Variants in CHSY3 observed in about 807,000 individuals in gnomAD.
CHSY3 encodes chondroitin sulfate synthase 3.
A neutral mutation model predicts 67.2 loss-of-function variants in CHSY3; 35 were observed. The ratio of observed to expected loss-of-function variants is 0.52; its 90% CI spans 0.40 to 0.69. The LOEUF is 0.69. Ranked by LOEUF, CHSY3 falls within the 30% of genes least tolerant of loss-of-function variation. The probability of loss-of-function intolerance (pLI) is 0.00; values close to 1 mark genes in which losing one functional copy is unlikely to be tolerated. For missense variants in CHSY3, 1,069 were observed against 1,138.5 expected (o/e 0.94, Z 0.88); for synonymous variants, 474 against 434.7 (o/e 1.09, Z -1.12).
chr5:129,908,674 T>C (rs1369335251), intron 2 of CHSY3, among the ~76,000 whole-genome samples: 1 of 152,176 alleles, frequency 6.6e-6, no homozygotes, highest in Non-Finnish European at 1.5e-5. Context: ...TTCCCTTTTC[T>C]AACAAGAGGT....
intron 2 of CHSY3, among the ~76,000 whole-genome samples, chr5:129,911,745 AG>A (rs1297826275): frequency 6.6e-6 from 1 of 152,140 alleles, no homozygotes; most frequent in Non-Finnish European, 1.5e-5. Context: ...TAGAAATATG[AG>A]GAATTCAGTA....
At chr5:129,924,936 T>C (rs552546625) in intron 2 of CHSY3, among the ~76,000 whole-genome samples, 2 of 152,182 alleles carry the variant, frequency 1.3e-5, no homozygotes, top group Non-Finnish European at 2.9e-5. Flanking sequence ...TCTCATTTGT[T>C]TATTCTACAT....
intron 2 of CHSY3, 92 bp from the exon 3 acceptor site, chr5:130,184,137 C>T (rs1265715022): frequency 1.2e-5 from 15 of 1,210,246 alleles, no homozygotes; most frequent in Non-Finnish European, 1.5e-5. Flanking sequence ...AATGTATTAA[C>T]ATTTTCATTT....
chr5:129,972,759 G>T (rs1762680775), intron 2 of CHSY3, among the ~76,000 whole-genome samples: 1 of 151,952 alleles, frequency 6.6e-6, no homozygotes, highest in Non-Finnish European at 1.5e-5. Flanking sequence ...AAATGAGTGG[G>T]GAAACCATCT....
At chr5:129,980,548 T>C (rs1182298665) in intron 2 of CHSY3, among the ~76,000 whole-genome samples, 1 of 152,214 alleles carries the variant, frequency 6.6e-6, no homozygotes, top group African/African-American at 2.4e-5. Flanking sequence ...TTTCAAATAT[T>C]TTCTCCCAGT....
chr5:130,078,580 C>G (rs1339075209), intron 2 of CHSY3, among the ~76,000 whole-genome samples: 1 of 152,090 alleles, frequency 6.6e-6, no homozygotes, highest in African/African-American at 2.4e-5. Context: ...AAACCCTCAG[C>G]TATTATTTGT....
chr5:129,965,749 C>A (rs948104449), intron 2 of CHSY3, among the ~76,000 whole-genome samples: 8 of 151,940 alleles, frequency 5.3e-5, no homozygotes, highest in Non-Finnish European at 8.8e-5. Flanking sequence ...TTATTCTTTG[C>A]AGCAATAGGA....
At chr5:130,030,748 G>A (rs996117074) in intron 2 of CHSY3, among the ~76,000 whole-genome samples, 1 of 152,036 alleles carries the variant, frequency 6.6e-6, no homozygotes, top group South Asian at 2.1e-4. Context: ...ACTAAGTCAG[G>A]ACAGTTTTAA....
At chr5:130,183,451 C>T (rs191046995) in intron 2 of CHSY3, among the ~76,000 whole-genome samples, 7 of 152,174 alleles carry the variant, frequency 4.6e-5, no homozygotes, top group South Asian at 2.1e-4. Context: ...ATGAAATTTA[C>T]GACTCCCCTG....
chr5:130,133,696 C>T (rs750907591), intron 2 of CHSY3, among the ~76,000 whole-genome samples: 2 of 148,118 alleles, frequency 1.4e-5, no homozygotes, highest in African/African-American at 2.5e-5. Context: ...TGCTTGAACC[C>T]AGGAGGCGGA....
chr5:130,068,185 C>T (rs1765946259), intron 2 of CHSY3, among the ~76,000 whole-genome samples: 1 of 152,090 alleles, frequency 6.6e-6, no homozygotes, highest in African/African-American at 2.4e-5. Context: ...ACACAGAGCA[C>T]CACCAATTTC....
chr5:129,964,595 ATC>A (rs1010063623), intron 2 of CHSY3, among the ~76,000 whole-genome samples: 2 of 151,648 alleles, frequency 1.3e-5, no homozygotes, highest in Admixed American at 1.3e-4. Flanking sequence ...GCGCAGTCCT[ATC>A]TCGTCTTATT....
chr5:130,091,111 AAC>A (rs143104865), intron 2 of CHSY3, among the ~76,000 whole-genome samples: 269 of 148,720 alleles, frequency 1.8e-3, no homozygotes, highest in African/African-American at 3.4e-3. Context: ...ACTTAAACGC[AAC>A]ACACACACAC....
At chr5:130,169,928 T>C (rs144555241) in intron 2 of CHSY3, among the ~76,000 whole-genome samples, 101 of 152,204 alleles carry the variant, frequency 6.6e-4, no homozygotes, top group African/African-American at 2.4e-3. Context: ...ATTGGGTTAA[T>C]GTCTTCTGAA....
intron 1 of CHSY3, chr5:129,905,997 G>T: frequency 3.8e-6 from 1 of 265,474 alleles, no homozygotes. Flanking sequence ...CCCTGCTGAT[G>T]GTAGTTTCCC....
chr5:130,059,999 A>C (rs1288879051), intron 2 of CHSY3, among the ~76,000 whole-genome samples: 1 of 152,080 alleles, frequency 6.6e-6, no homozygotes, highest in Non-Finnish European at 1.5e-5. Flanking sequence ...CAAAAAAAAA[A>C]CTGGTACCGG....
rs1173892437 is a variant in CHSY3, at chr5:130,020,447, ATATATATATATATATTTTTTT to A, written c.1086+112089_1086+112109del. On this transcript the variant is annotated intron_variant, in intron 2 of 2. Coordinates refer to ENST00000305031, the MANE Select transcript of CHSY3 (RefSeq NM_175856.5). ...AATATATATATATATATATATATAT[ATATATATATATATATTTTTTT>A]TTTTTTTTTTTCCTCTGGCTCCTCC... Among the ~76,000 whole-genome samples, 124 of 37,350 alleles carry A rather than the reference ATATATATATATATATTTTTTT, an allele frequency of 3.3e-3. 2 individuals carry two copies. Among genetic ancestry groups the A allele is most frequent in the East Asian group, 0.014 (14 of 1,002 alleles). The allele number at this position is 37,350 out of a possible 152,430, so 24.5% of individuals were successfully genotyped here.
At chr5:129,944,022 G>C (rs1580561715) in intron 2 of CHSY3, among the ~76,000 whole-genome samples, 1 of 152,332 alleles carries the variant, frequency 6.6e-6, no homozygotes, top group Non-Finnish European at 1.5e-5. Flanking sequence ...TTTATGGTTT[G>C]TATCAAATTT....
intron 2 of CHSY3, among the ~76,000 whole-genome samples, chr5:129,937,525 C>A (rs1197912149): frequency 6.6e-6 from 1 of 152,060 alleles, no homozygotes; most frequent in East Asian, 1.9e-4. Flanking sequence ...TTTTAAAACA[C>A]AATAATGCCT....
Sources: allele counts gnomAD v4.1 joint callset (sites outside exome capture counted in the v4.1 genomes callset), GRCh38; gene constraint gnomAD v4.1.1; transcripts MANE v1.5; gene names NCBI Gene and HGNC (gene_info 2026-07-23, HGNC 2026-07-21).